Variants in ATP8B1 observed in about 807,000 individuals in gnomAD.
ATP8B1 encodes the protein ATPase phospholipid transporting 8B1, also known as phospholipid-transporting ATPase IC.
Under a neutral mutation model 149.9 loss-of-function variants are expected in ATP8B1, and 80 were observed. The ratio of observed to expected loss-of-function variants is 0.53; its 90% CI spans 0.45 to 0.64. The LOEUF (loss-of-function observed/expected upper bound fraction) is 0.64. Among genes scored for constraint, ATP8B1 ranks in the 30% least tolerant of loss-of-function variants. ATP8B1 has a pLI of 0.00. For synonymous variants in ATP8B1, 536 were observed against 562.8 expected, an observed-to-expected ratio of 0.95 and a Z score of 0.67; for missense variants, 1,247 against 1,552.6, an observed-to-expected ratio of 0.80 and a Z score of 3.31.
At chr18:57,708,112 A>T (rs1440046381) in intron 2 of ATP8B1, among the ~76,000 whole-genome samples, 1 of 142,004 alleles carries the variant, frequency 7.0e-6, no homozygotes, top group Non-Finnish European at 1.5e-5. Flanking sequence ...GAGCCGAGAT[A>T]GTGCCACTGC....
chr18:57,699,888 A>G (rs1409698035), intron 6 of ATP8B1, among the ~76,000 whole-genome samples: 14 of 151,952 alleles, frequency 9.2e-5, no homozygotes, highest in Admixed American at 7.9e-4. Flanking sequence ...ACCTACCTAC[A>G]CTGGTAAAGA....
At chr18:57,720,628 C>T (rs2079635005) in intron 2 of ATP8B1, among the ~76,000 whole-genome samples, 2 of 117,870 alleles carry the variant, frequency 1.7e-5, no homozygotes, top group Admixed American at 9.3e-5. Flanking sequence ...GATTGGTGTA[C>T]CTGAAAGTGA....
chr18:57,671,851 G>A (rs1040542742), intron 16 of ATP8B1, among the ~76,000 whole-genome samples: 6 of 151,966 alleles, frequency 3.9e-5, no homozygotes, highest in South Asian at 2.1e-4. Context: ...TGAACTCCTG[G>A]GCTCAAGCAA....
At chr18:57,761,110 AAT>A (rs556926308) in intron 1 of ATP8B1, among the ~76,000 whole-genome samples, 998 of 98,176 alleles carry the variant, frequency 0.01, 12 homozygotes, top group African/African-American at 0.032. Context: ...AATAAAATAA[AAT>A]ATAAAATAAA....
At chr18:57,789,785 A>G (rs1320868245) in intron 1 of ATP8B1, among the ~76,000 whole-genome samples, 1 of 152,140 alleles carries the variant, frequency 6.6e-6, no homozygotes, top group Non-Finnish European at 1.5e-5. Flanking sequence ...ACATGTACAT[A>G]CTTTGTTGCC....
At chr18:57,797,846 A>G (rs1212028627) in intron 1 of ATP8B1, among the ~76,000 whole-genome samples, 3 of 151,568 alleles carry the variant, frequency 2.0e-5, no homozygotes, top group African/African-American at 7.3e-5. Context: ...AGCTGGGACT[A>G]CGGGCGCATG....
At chr18:57,740,313 A>C (rs1316497156) in intron 1 of ATP8B1, among the ~76,000 whole-genome samples, 3 of 151,802 alleles carry the variant, frequency 2.0e-5, no homozygotes, top group Non-Finnish European at 4.4e-5. Flanking sequence ...CTATTTCCGA[A>C]ATCTGTTTTT....
chr18:57,781,264 T>G (rs1002406925), intron 1 of ATP8B1, among the ~76,000 whole-genome samples: 2 of 152,234 alleles, frequency 1.3e-5, no homozygotes, highest in African/African-American at 4.8e-5. Flanking sequence ...TAGGTTGAAG[T>G]GTAATGTGAA....
rs567781967 is a variant in ATP8B1, at chr18:57,680,567, A to C, written c.1630+3469T>G. ...CCATTGCACTCCAGCCTGGGCAATA[A>C]GAGTGAAACTTGGTCTCAAAAACAA... On this transcript the variant is annotated intron_variant, in intron 15 of 27. Transcript: ENST00000648908. 2.7e-5 allele frequency among the ~76,000 whole-genome samples: 4 copies of C among 150,250 alleles called. No homozygotes were observed. In the South Asian group the frequency reaches 8.5e-4, roughly 32 times the overall value.
intron 11 of ATP8B1, among the ~76,000 whole-genome samples, 178 bp from the exon 12 acceptor site, chr18:57,692,175 G>C (rs995350537): frequency 1.3e-5 from 2 of 152,154 alleles, no homozygotes; most frequent in Non-Finnish European, 2.9e-5. Context: ...CTATTTGATT[G>C]CTGCAATTGA....
intron 12 of ATP8B1, 116 bp from the exon 13 acceptor site, chr18:57,688,623 A>G: frequency 9.7e-7 from 1 of 1,028,650 alleles, no homozygotes; most frequent in Non-Finnish European, 1.5e-6. Flanking sequence ...CTATGGTCTG[A>G]ATGTTAGAAT....
At chr18:57,679,007 A>G (rs1353118407) in intron 15 of ATP8B1, among the ~76,000 whole-genome samples, 1 of 139,950 alleles carries the variant, frequency 7.1e-6, no homozygotes, top group African/African-American at 2.7e-5. Context: ...TTCAATTCCC[A>G]GCCAACGCAG....
In ATP8B1 at chr18:57,649,212, A is replaced by ATCTATCTATCTATCTATCTG. The variant is rs1237812857; in HGVS notation, c.3532-501_3532-500insCAGATAGATAGATAGATAGA. Among the ~76,000 whole-genome samples the ATCTATCTATCTATCTATCTG allele has an allele frequency of 2.0e-5, 3 of 152,004 alleles. No homozygotes were observed. In the South Asian group the frequency reaches 6.2e-4, roughly 32 times the overall value. ...GCTATATCTATCTATCTATCTATCTATCTATCTATATCGACATATATATAT... is the reference window on the plus strand; with the variant it reads ...GCTATATCTATCTATCTATCTATCTATCTATCTATCTATCTATCTGTCTATCTATATCGACATATATATAT... On this transcript the variant is annotated intron_variant, in intron 27 of 27. Coordinates refer to ENST00000648908, the MANE Select transcript of ATP8B1 (RefSeq NM_001374385.1).
At chr18:57,698,004 T>C (rs1180871142) in intron 6 of ATP8B1, 137 bp from the exon 7 acceptor site, 2 of 756,032 alleles carry the variant, frequency 2.6e-6, no homozygotes, top group Non-Finnish European at 4.5e-6. Flanking sequence ...CTTTAATGGA[T>C]GTAAACATAT....
chr18:57,718,643 T>TTAATTTTAATG, intron 2 of ATP8B1, among the ~76,000 whole-genome samples: 1 of 152,266 alleles, frequency 6.6e-6, no homozygotes, highest in Admixed American at 6.5e-5. Context: ...GAAAATTGAA[T>TTAATTTTAATG]TCAACAACAC....
intron 6 of ATP8B1, among the ~76,000 whole-genome samples, chr18:57,699,720 C>CAAAAAAAAAAAAAAAA (rs1913021783): frequency 9.4e-6 from 1 of 105,910 alleles, no homozygotes; most frequent in African/African-American, 2.8e-5. Context: ...GACTCCGTCT[C>CAAAAAAAAAAAAAAAA]AAAAAAATAA....
chr18:57,735,903 C>CCCGTCAT (rs2079847411), intron 1 of ATP8B1, among the ~76,000 whole-genome samples: 1 of 152,102 alleles, frequency 6.6e-6, no homozygotes, highest in South Asian at 2.1e-4. Context: ...CACCCATCAA[C>CCCGTCAT]CTGTCATCTA....
chr18:57,685,846 A>ACTTGAACCC (rs1268877999), intron 13 of ATP8B1, among the ~76,000 whole-genome samples: 1 of 152,124 alleles, frequency 6.6e-6, no homozygotes, highest in Admixed American at 6.5e-5. Flanking sequence ...CAGAAGAATC[A>ACTTGAACCC]CTTGAACCCG....
At chr18:57,761,054 C>CATAAA (rs2080147823) in intron 1 of ATP8B1, among the ~76,000 whole-genome samples, 1 of 136,846 alleles carries the variant, frequency 7.3e-6, no homozygotes, top group Admixed American at 7.2e-5. Flanking sequence ...AATAAAATAA[C>CATAAA]ATAAAATAAC....
Sources: gnomAD v4.1 joint callset for allele counts (sites outside exome capture counted in the v4.1 genomes callset) on GRCh38, gnomAD v4.1.1 for gene constraint, MANE v1.5 for transcripts, NCBI Gene and HGNC (gene_info 2026-07-23, HGNC 2026-07-21) for gene names.